Variants in NRXN1 observed in about 807,000 individuals in gnomAD.
NRXN1 encodes the protein neurexin-1.
In NRXN1, 39 loss-of-function variants were observed where a neutral mutation model predicts 150.9. The observed-to-expected ratio is 0.26, with a 90% CI of 0.20 to 0.34. The LOEUF is 0.34. Among genes scored for constraint, NRXN1 ranks in the 10% least tolerant of loss-of-function variants. The pLI, the probability that NRXN1 is intolerant of heterozygous loss-of-function variation, is 1.00. For missense variants in NRXN1, 1,815 were observed against 1,949.9 expected, an observed-to-expected ratio of 0.93 and a Z score of 1.30; for synonymous variants, 924 against 757.0, an observed-to-expected ratio of 1.22 and a Z score of -3.62.
chr2:50,973,528 ATTCT>A (rs1270695944), intron 2 of NRXN1, among the ~76,000 whole-genome samples: 1 of 152,184 alleles, frequency 6.6e-6, no homozygotes, highest in Non-Finnish European at 1.5e-5. Context: ...TTCGGGAGTC[ATTCT>A]TTAAGTCCAA....
intron 22 of NRXN1, among the ~76,000 whole-genome samples, chr2:49,941,729 G>A (rs1672009870): frequency 6.6e-6 from 1 of 152,106 alleles, no homozygotes; most frequent in Non-Finnish European, 1.5e-5. Flanking sequence ...GGATTACCCT[G>A]AAGAAAACAC....
chr2:50,775,158 C>T (rs924886248), intron 5 of NRXN1, among the ~76,000 whole-genome samples: 2 of 152,130 alleles, frequency 1.3e-5, no homozygotes, highest in African/African-American at 4.8e-5. Context: ...AAGAATATCT[C>T]CTATCCTGCA....
intron 17 of NRXN1, among the ~76,000 whole-genome samples, chr2:50,269,608 G>C (rs1362520241): frequency 6.6e-6 from 1 of 152,108 alleles, no homozygotes; most frequent in Non-Finnish European, 1.5e-5. Context: ...TTTATAGCTA[G>C]AAGTTAAGTC....
intron 19 of NRXN1, 26 bp downstream of exon 19, chr2:50,091,297 C>T (rs1360445672): frequency 2.0e-5 from 32 of 1,613,340 alleles, no homozygotes; most frequent in Non-Finnish European, 2.6e-5. Context: ...ATAAAATCTT[C>T]CCCCGATACA....
chr2:50,952,284 C>T lies in NRXN1; in HGVS notation c.773-26329G>A, dbSNP rs866427255. ...AAATATATTTTATAAAAAGAATATACTGAATATGAGACCCTGTCAAAAATT... is the reference window on the plus strand; with the variant it reads ...AAATATATTTTATAAAAAGAATATATTGAATATGAGACCCTGTCAAAAATT... On this transcript the variant is annotated intron_variant, in intron 2 of 22. Coordinates refer to ENST00000401669, the MANE Select transcript of NRXN1 (RefSeq NM_001330078.2). Among the ~76,000 whole-genome samples, 31 of 152,178 alleles carry T rather than the reference C, an allele frequency of 2.0e-4. No individual in the cohort carries two copies. The South Asian group carries it at 3.9e-3, about 19-fold the overall frequency.
At chr2:50,591,232 T>C (rs559200852) in intron 8 of NRXN1, among the ~76,000 whole-genome samples, 6 of 151,140 alleles carry the variant, frequency 4.0e-5, no homozygotes, top group African/African-American at 1.5e-4. Context: ...ACTTGGTTTC[T>C]AGCATGTAGT....
chr2:50,810,722 C>T (rs1188323535), intron 5 of NRXN1, among the ~76,000 whole-genome samples: 4 of 152,136 alleles, frequency 2.6e-5, no homozygotes, highest in Non-Finnish European at 5.9e-5. Flanking sequence ...TGGCTCATGC[C>T]TGTAATCCCA....
intron 5 of NRXN1, among the ~76,000 whole-genome samples, chr2:50,865,053 C>CGT (rs951007657): frequency 2.6e-5 from 4 of 151,688 alleles, no homozygotes; most frequent in Middle Eastern, 3.4e-3. Context: ...GAAAAGAGTG[C>CGT]GTGTGTGTGT....
intron 5 of NRXN1, among the ~76,000 whole-genome samples, chr2:50,735,994 T>C (rs1698691517): frequency 6.6e-6 from 1 of 152,166 alleles, no homozygotes; most frequent in Non-Finnish European, 1.5e-5. Flanking sequence ...ATATTAGCTC[T>C]TCATAAAATA....
intron 18 of NRXN1, among the ~76,000 whole-genome samples, chr2:50,119,890 C>T (rs1219643841): frequency 6.6e-6 from 1 of 152,048 alleles, no homozygotes; most frequent in African/African-American, 2.4e-5. Context: ...AAAAAGCATT[C>T]CCATAAGTAT....
At chr2:49,996,556 G>A (rs1683039956) in intron 21 of NRXN1, among the ~76,000 whole-genome samples, 2 of 152,142 alleles carry the variant, frequency 1.3e-5, no homozygotes, top group Admixed American at 1.3e-4. Context: ...TGGATTGTCT[G>A]GTGGGCCCAG....
At chr2:50,746,718 T>C (rs1006181337) in intron 5 of NRXN1, among the ~76,000 whole-genome samples, 1 of 152,122 alleles carries the variant, frequency 6.6e-6, no homozygotes, top group Non-Finnish European at 1.5e-5. Context: ...AGGGCTGCTG[T>C]GAGTCATCCC....
At chr2:50,414,404 C>G (rs116609658) in intron 17 of NRXN1, among the ~76,000 whole-genome samples, 2 of 151,536 alleles carry the variant, frequency 1.3e-5, no homozygotes, top group Non-Finnish European at 2.9e-5. Context: ...GAATATTTTT[C>G]GAAATATACC....
chr2:50,749,000 C>T (rs571309758), intron 5 of NRXN1, among the ~76,000 whole-genome samples: 1 of 152,156 alleles, frequency 6.6e-6, no homozygotes, highest in South Asian at 2.1e-4. Flanking sequence ...CACAGTGATG[C>T]TAGGAATGGA....
At chr2:50,697,576 C>T (rs1040103173) in intron 5 of NRXN1, among the ~76,000 whole-genome samples, 5 of 152,142 alleles carry the variant, frequency 3.3e-5, no homozygotes, top group Admixed American at 6.5e-5. Flanking sequence ...CCGAACCTAA[C>T]GCGACACTCC....
intron 22 of NRXN1, among the ~76,000 whole-genome samples, chr2:49,923,142 G>A (rs990281305): frequency 3.3e-5 from 5 of 152,136 alleles, no homozygotes; most frequent in Non-Finnish European, 5.9e-5. Context: ...TGAAGGCCTG[G>A]TCAGGCACTG....
chr2:50,078,624 CTT>C (rs955369679), intron 19 of NRXN1, among the ~76,000 whole-genome samples: 6 of 151,968 alleles, frequency 3.9e-5, no homozygotes, highest in African/African-American at 1.4e-4. Flanking sequence ...TCAGATGTGT[CTT>C]TTTTTGTAAT....
chr2:50,499,706 G>A (rs2091843047), intron 13 of NRXN1, among the ~76,000 whole-genome samples: 1 of 152,026 alleles, frequency 6.6e-6, no homozygotes, highest in South Asian at 2.1e-4. Context: ...CCAGCATTTT[G>A]GGAGGCCTAG....
chr2:50,885,903 T>C (rs1680170654), intron 5 of NRXN1, among the ~76,000 whole-genome samples: 1 of 150,816 alleles, frequency 6.6e-6, no homozygotes, highest in African/African-American at 2.4e-5. Flanking sequence ...AAGTACATTT[T>C]AGTTAATTGT....
Sources: gnomAD v4.1 joint callset for allele counts (sites outside exome capture counted in the v4.1 genomes callset) on GRCh38, gnomAD v4.1.1 for gene constraint, MANE v1.5 for transcripts, NCBI Gene and HGNC (gene_info 2026-07-23, HGNC 2026-07-21) for gene names.